Variants in GALNT13 observed in about 807,000 individuals in gnomAD.
GALNT13 encodes UDP-GalNAc:polypeptide N-acetylgalactosaminyltransferase 13.
GALNT13 carries 28 observed loss-of-function variants against 64.2 expected under a neutral mutation model. The ratio of observed to expected loss-of-function variants is 0.44; its 90% CI spans 0.32 to 0.60. GALNT13 has a LOEUF of 0.60. GALNT13 is among the 20% of genes least tolerant of loss of function. GALNT13 has a pLI of 0.05. For missense variants in GALNT13, 577 were observed against 669.8 expected (o/e 0.86, Z 1.53); for synonymous variants, 214 against 224.6 (o/e 0.95, Z 0.42).
the GALNT13 span, among the ~76,000 whole-genome samples, chr2:153,650,683 G>C: frequency 6.6e-6 from 1 of 152,090 alleles, no homozygotes; most frequent in South Asian, 2.1e-4. Flanking sequence ...CTCAGCATTT[G>C]CTTGTCTGCA....
chr2:153,478,603 G>A, the GALNT13 span: 2 of 1,485,952 alleles, frequency 1.3e-6, no homozygotes, highest in Admixed American at 2.4e-5. Flanking sequence ...GCGCGGGTCC[G>A]AGGGGTGGGA....
chr2:153,973,128 A>G (rs2105132860), intron 3 of GALNT13, among the ~76,000 whole-genome samples: 1 of 151,994 alleles, frequency 6.6e-6, no homozygotes, highest in East Asian at 1.9e-4. Context: ...TTTCCTAACA[A>G]GGAAATAGAG....
chr2:153,349,611 A>C, the GALNT13 span, among the ~76,000 whole-genome samples: 1 of 152,210 alleles, frequency 6.6e-6, no homozygotes, highest in Non-Finnish European at 1.5e-5. Context: ...TGCATTTCTG[A>C]GAAAGCACTC....
At chr2:153,707,713 C>T in the GALNT13 span, among the ~76,000 whole-genome samples, 1 of 152,154 alleles carries the variant, frequency 6.6e-6, no homozygotes, top group Non-Finnish European at 1.5e-5. Context: ...AGTCATAGCC[C>T]ATCATGTTCT....
At chr2:154,076,512 C>G (rs1288264724) in intron 3 of GALNT13, among the ~76,000 whole-genome samples, 1 of 151,696 alleles carries the variant, frequency 6.6e-6, no homozygotes, top group African/African-American at 2.4e-5. Context: ...AGCTGGGATG[C>G]AAGCCTGAGC....
At chr2:153,344,625 A>G in the GALNT13 span, among the ~76,000 whole-genome samples, 2 of 152,194 alleles carry the variant, frequency 1.3e-5, no homozygotes, top group African/African-American at 4.8e-5. Context: ...AACACAGTAC[A>G]GTAGAAAAGT....
At chr2:153,626,839 G>T in the GALNT13 span, among the ~76,000 whole-genome samples, 1 of 152,048 alleles carries the variant, frequency 6.6e-6, no homozygotes, top group African/African-American at 2.4e-5. Context: ...GGCTGGCATT[G>T]TATAGCCAAT....
the GALNT13 span, among the ~76,000 whole-genome samples, chr2:153,685,897 G>C: frequency 6.6e-6 from 1 of 151,986 alleles, no homozygotes; most frequent in Non-Finnish European, 1.5e-5. Flanking sequence ...TATTGAACAA[G>C]GAATACCTTC....
At chr2:154,261,158 G>A (rs1690672967) in intron 8 of GALNT13, among the ~76,000 whole-genome samples, 1 of 152,114 alleles carries the variant, frequency 6.6e-6, no homozygotes, top group Admixed American at 6.6e-5. Context: ...GATAGATGAT[G>A]CAGATACCAA....
chr2:154,051,457 A>AT (rs1699612869), intron 3 of GALNT13, among the ~76,000 whole-genome samples: 2 of 148,438 alleles, frequency 1.3e-5, no homozygotes, highest in Non-Finnish European at 3.0e-5. Flanking sequence ...CGCCCGGCTA[A>AT]TTTTTTGTAT....
At chr2:153,080,973 G>T in the GALNT13 span, among the ~76,000 whole-genome samples, 79 of 151,664 alleles carry the variant, frequency 5.2e-4, no homozygotes, top group Admixed American at 8.5e-4. Flanking sequence ...TGTATTCACT[G>T]CCCACCCTTA....
At chr2:153,632,078 T>C in the GALNT13 span, among the ~76,000 whole-genome samples, 1 of 152,194 alleles carries the variant, frequency 6.6e-6, no homozygotes, top group African/African-American at 2.4e-5. Context: ...TATCAAGCTC[T>C]AATCTGAATC....
chr2:154,252,903 T>C (rs1482125685), intron 7 of GALNT13, among the ~76,000 whole-genome samples: 2 of 152,138 alleles, frequency 1.3e-5, no homozygotes, highest in Admixed American at 6.6e-5. Context: ...CTTAAACACA[T>C]TGCAACTAAA....
At chr2:154,320,680 T>C (rs1408034433) in intron 9 of GALNT13, among the ~76,000 whole-genome samples, 3 of 152,140 alleles carry the variant, frequency 2.0e-5, no homozygotes, top group Admixed American at 6.6e-5. Flanking sequence ...ATTCTCACAG[T>C]CCCAGGCCTT....
chr2:153,145,775 C>A, the GALNT13 span, among the ~76,000 whole-genome samples: 1 of 151,954 alleles, frequency 6.6e-6, no homozygotes, highest in South Asian at 2.1e-4. Context: ...TTGGGGAAAT[C>A]TGTGGCCATG....
the GALNT13 span, among the ~76,000 whole-genome samples, chr2:153,306,774 G>A: frequency 6.6e-6 from 1 of 152,136 alleles, no homozygotes; most frequent in Non-Finnish European, 1.5e-5. Flanking sequence ...TTCTTTCTAA[G>A]ATGGAGTCTC....
At chr2:153,946,004 G>A (rs1043883010) in intron 3 of GALNT13, among the ~76,000 whole-genome samples, 1 of 152,056 alleles carries the variant, frequency 6.6e-6, no homozygotes, top group African/African-American at 2.4e-5. Context: ...ATTCTGAGAG[G>A]GGAACATTAT....
the GALNT13 span, among the ~76,000 whole-genome samples, chr2:153,402,716 G>C: frequency 6.6e-6 from 1 of 151,750 alleles, no homozygotes; most frequent in Non-Finnish European, 1.5e-5. Context: ...CCTGTTGATC[G>C]CATTGGCTCC....
At chr2:154,102,764 G>A (rs184311149) in intron 3 of GALNT13, among the ~76,000 whole-genome samples, 294 of 152,246 alleles carry the variant, frequency 1.9e-3, no homozygotes, top group African/African-American at 6.3e-3. Context: ...TTGTCTTGCT[G>A]TCTCTTTTCT....
Sources: gnomAD v4.1 joint callset for allele counts (sites outside exome capture counted in the v4.1 genomes callset) on GRCh38, gnomAD v4.1.1 for gene constraint, MANE v1.5 for transcripts, NCBI Gene and HGNC (gene_info 2026-07-23, HGNC 2026-07-21) for gene names.